Variants in TULP4 observed in about 807,000 individuals in gnomAD.
TULP4 encodes TUB like protein 4.
In TULP4, 16 loss-of-function variants were observed where a neutral mutation model predicts 129.0. That is an observed-to-expected ratio of 0.12 (90% CI 0.08 to 0.19). The LOEUF is 0.19. TULP4 is among the 10% of genes least tolerant of loss of function. The pLI, the probability that TULP4 is intolerant of heterozygous loss-of-function variation, is 1.00. For synonymous variants in TULP4, 998 were observed against 854.0 expected (o/e 1.17, Z -2.94); for missense variants, 1,842 against 2,059.1 (o/e 0.89, Z 2.04).
At chr6:158,345,843 G>A in intron 1 of TULP4, among the ~76,000 whole-genome samples, 1 of 152,168 alleles carries the variant, frequency 6.6e-6, no homozygotes, top group Admixed American at 6.5e-5. Flanking sequence ...AAGCCTGAGG[G>A]TACTGCAGGA....
intron 6 of TULP4, 51 bp downstream of exon 6, chr6:158,461,780 T>C (rs1212877907): frequency 8.5e-6 from 13 of 1,532,988 alleles, no homozygotes; most frequent in Non-Finnish European, 1.1e-5. Context: ...TACTAGTGAA[T>C]AGGTTATTAT....
At chr6:158,241,491 C>T (rs971915152) in intron 1 of TULP4, among the ~76,000 whole-genome samples, 1 of 151,696 alleles carries the variant, frequency 6.6e-6, no homozygotes, top group Non-Finnish European at 1.5e-5. Context: ...GTCTGCAATC[C>T]CGGCACCTCG....
At chr6:158,400,390 GA>G (rs1310493769) in intron 1 of TULP4, among the ~76,000 whole-genome samples, 2 of 152,200 alleles carry the variant, frequency 1.3e-5, no homozygotes, top group African/African-American at 4.8e-5. Flanking sequence ...AGATGTCAGT[GA>G]AGTACAGTAT....
intron 1 of TULP4, among the ~76,000 whole-genome samples, chr6:158,241,371 C>A (rs1217400209): frequency 7.3e-6 from 1 of 136,928 alleles, no homozygotes. Context: ...GCAATCTCGG[C>A]ACTTTGGGAG....
intron 1 of TULP4, among the ~76,000 whole-genome samples, chr6:158,356,091 C>A (rs1268669631): frequency 6.6e-6 from 1 of 152,112 alleles, no homozygotes; most frequent in Admixed American, 6.5e-5. Flanking sequence ...ATGTTTGCAT[C>A]TTATTTGTTT....
intron 3 of TULP4, among the ~76,000 whole-genome samples, chr6:158,436,228 C>G (rs886674788): frequency 1.3e-5 from 2 of 152,148 alleles, no homozygotes; most frequent in Admixed American, 6.5e-5. Flanking sequence ...TTCTGTACCT[C>G]CAACCTTCAC....
At chr6:158,369,493 T>C (rs951277863) in intron 1 of TULP4, among the ~76,000 whole-genome samples, 1 of 152,140 alleles carries the variant, frequency 6.6e-6, no homozygotes, top group Non-Finnish European at 1.5e-5. Context: ...GAGTGAGACC[T>C]GGTCTCAAAA....
At chr6:158,349,090 C>T (rs1481376410) in intron 1 of TULP4, among the ~76,000 whole-genome samples, 3 of 145,410 alleles carry the variant, frequency 2.1e-5, no homozygotes, top group South Asian at 2.2e-4. Context: ...TCCTCACTTC[C>T]CAGATGGGGC....
chr6:158,421,897 C>G (rs534944617), intron 2 of TULP4, among the ~76,000 whole-genome samples: 78 of 152,182 alleles, frequency 5.1e-4, no homozygotes, highest in African/African-American at 1.8e-3. Flanking sequence ...TCCCCAGACC[C>G]CTTAGATAGG....
chr6:158,268,708 T>C (rs1778495466), intron 1 of TULP4, among the ~76,000 whole-genome samples: 1 of 152,240 alleles, frequency 6.6e-6, no homozygotes, highest in African/African-American at 2.4e-5. Flanking sequence ...CTCTTAATTG[T>C]TCTGATTTCA....
chr6:158,308,349 C>A (rs1321192750), upstream of TULP4, among the ~76,000 whole-genome samples: 4 of 151,852 alleles, frequency 2.6e-5, no homozygotes, highest in South Asian at 2.1e-4. Context: ...ATCCCAAGGC[C>A]AAAGAATTTT....
intron 3 of TULP4, among the ~76,000 whole-genome samples, chr6:158,433,917 T>C (rs999233332): frequency 2.7e-5 from 4 of 150,874 alleles, no homozygotes; most frequent in Non-Finnish European, 5.9e-5. Flanking sequence ...GACTGGGCGG[T>C]TTCAACAACA....
At chr6:158,316,421 A>G (rs182100490) in intron 1 of TULP4, among the ~76,000 whole-genome samples, 71 of 152,208 alleles carry the variant, frequency 4.7e-4, no homozygotes, top group African/African-American at 1.6e-3. Flanking sequence ...TTTGAGATTC[A>G]TTTTTCCACT....
chr6:158,335,221 G>C (rs1457372413), intron 1 of TULP4, among the ~76,000 whole-genome samples: 1 of 149,844 alleles, frequency 6.7e-6, no homozygotes, highest in African/African-American at 2.5e-5. Context: ...AGGTTGCAGT[G>C]AGCTGAGATC....
chr6:158,320,651 C>T (rs1583743655), intron 1 of TULP4, among the ~76,000 whole-genome samples: 1 of 152,132 alleles, frequency 6.6e-6, no homozygotes, highest in African/African-American at 2.4e-5. Context: ...AGGCTGGTCT[C>T]AAACTCCTGG....
chr6:158,486,408 C>T (rs978912514), intron 8 of TULP4, among the ~76,000 whole-genome samples: 1 of 152,090 alleles, frequency 6.6e-6, no homozygotes, highest in Non-Finnish European at 1.5e-5. Flanking sequence ...AAAAAATTAG[C>T]CGGGCGTGGT....
rs1780508228 is a variant in TULP4 at position 158,503,162 on chromosome 6, C to T, written c.3499C>T (p.Pro1167Ser). ...CCAGCACCTGGACGTGTCCCGACTG[C>T]CCTTCATCTCCCCCAAGTCTCCTGC... ...QGQHLDVSRL[P>S]FISPKSPASP... is the part of the protein sequence containing the mutation. The change falls in exon 13 of 14, where the codon CCC (proline) becomes TCC (serine). Residue 1167 changes from proline to serine, a missense_variant. Physicochemically the swap from Pro to Ser is moderately conservative, Grantham distance 74. This residue lies in a region of TULP4 where 1,089 missense variants were observed against 987.1 expected (regional missense o/e 1.10). Coordinates refer to ENST00000367097, the MANE Select transcript of TULP4 (RefSeq NM_020245.5). This position sits in a 1 kb window ranked among gnomAD's most constrained non-coding sequence, Gnocchi z 4.3. The T allele has an allele frequency of 6.2e-7, 1 of 1,613,444 alleles. No individual in the cohort carries two copies.
intron 1 of TULP4, among the ~76,000 whole-genome samples, chr6:158,286,021 A>G (rs1208732547): frequency 6.6e-6 from 1 of 152,208 alleles, no homozygotes; most frequent in African/African-American, 2.4e-5. Flanking sequence ...GTGAAAACAG[A>G]TTTACTCATC....
intron 2 of TULP4, among the ~76,000 whole-genome samples, chr6:158,415,943 C>T (rs1453898188): frequency 6.6e-6 from 1 of 152,158 alleles, no homozygotes; most frequent in African/African-American, 2.4e-5. Flanking sequence ...CCGTCTGAGT[C>T]CCAAAACCAC....
Sources: allele counts gnomAD v4.1 joint callset (sites outside exome capture counted in the v4.1 genomes callset), GRCh38; gene constraint gnomAD v4.1.1; regional missense constraint gnomAD v4.1.1; non-coding constraint Gnocchi (gnomAD v3.1); transcripts MANE v1.5; gene names NCBI Gene and HGNC (gene_info 2026-07-23, HGNC 2026-07-21).